ANGPT2: variants seen among roughly 807,000 people sequenced by gnomAD.
ANGPT2 encodes the protein angiopoietin-2.
In ANGPT2, 28 loss-of-function variants were observed where a neutral mutation model predicts 62.9. That is an observed-to-expected ratio of 0.44 (90% CI 0.33 to 0.61). The LOEUF (loss-of-function observed/expected upper bound fraction) is 0.61. Ranked by LOEUF, ANGPT2 falls within the 20% of genes least tolerant of loss-of-function variation. The pLI is 0.03. For synonymous variants in ANGPT2, 284 were observed against 207.8 expected (o/e 1.37, Z -3.15); for missense variants, 727 against 594.9 (o/e 1.22, Z -2.31).
Position 6,499,925 on chromosome 8 carries a change from C to G in ANGPT2, c.*3176G>C, listed in dbSNP as rs759545352. The G allele has an allele frequency of 8.6e-5, 138 of 1,613,210 alleles. 1 individual carries two copies. The Middle Eastern group carries it at 1.7e-3, about 20-fold the overall frequency. ...GAACTGTCTCACCACTTCCCTGCAG[C>G]TCCCGTAAGTCAGATGTTGTTTTAC... On this transcript the variant is annotated 3_prime_UTR_variant, in exon 9 of 9. Coordinates refer to ENST00000629816, the MANE Select transcript of ANGPT2 (RefSeq NM_001118887.2).
At chr8:6,504,935 A>C (rs1812982160) in intron 8 of ANGPT2, among the ~76,000 whole-genome samples, 1 of 152,048 alleles carries the variant, frequency 6.6e-6, no homozygotes, top group Admixed American at 6.6e-5. Context: ...TTGATTTTAC[A>C]TATGTTAAAC....
intron 1 of ANGPT2, among the ~76,000 whole-genome samples, chr8:6,553,402 C>G (rs1475804267): frequency 2.0e-5 from 3 of 152,212 alleles, no homozygotes; most frequent in Non-Finnish European, 4.4e-5. Context: ...CTGATGGTTA[C>G]ATAGTTAAAA....
At chr8:6,515,897 C>T (rs2515426) in intron 5 of ANGPT2, among the ~76,000 whole-genome samples, 9,169 of 152,212 alleles carry the variant, frequency 0.06, 300 homozygotes, top group African/African-American at 0.078. Context: ...CAAGAGAGTG[C>T]TATTCCTGTT....
chr8:6,503,037 T>G lies in ANGPT2; in HGVS notation c.*64A>C. On this transcript the variant is annotated 3_prime_UTR_variant, in exon 9 of 9. Transcript: ENST00000629816. ...AGGACACAGTGCGCAGCCGTGACTT[T>G]CAGTGCACTGGGCTTAAGTCTTTGA... The G allele has an allele frequency of 6.3e-7, 1 of 1,591,518 alleles. No individual in the cohort carries two copies. Among genetic ancestry groups the G allele is most frequent in the South Asian group, 1.1e-5 (1 of 87,622 alleles).
intron 1 of ANGPT2, among the ~76,000 whole-genome samples, chr8:6,560,437 A>C (rs1825346471): frequency 6.6e-6 from 1 of 152,196 alleles, no homozygotes; most frequent in Admixed American, 6.5e-5. Context: ...GAGAAAAACA[A>C]ACAGTGAGGT....
At chr8:6,547,800 G>C (rs926021322) in intron 1 of ANGPT2, among the ~76,000 whole-genome samples, 1 of 152,114 alleles carries the variant, frequency 6.6e-6, no homozygotes, top group Non-Finnish European at 1.5e-5. Flanking sequence ...TGCGGGGCCA[G>C]GGGAGCACCG....
chr8:6,507,929 A>T (rs1371991496), intron 8 of ANGPT2: 1 of 152,134 alleles, frequency 6.6e-6, no homozygotes, highest in Non-Finnish European at 1.5e-5. Flanking sequence ...TTGAACTCTC[A>T]AATGTTTCTG....
intron 1 of ANGPT2, among the ~76,000 whole-genome samples, chr8:6,559,854 G>T (rs2959768): frequency 0.089 from 13,483 of 152,230 alleles, 1,540 homozygotes; most frequent in African/African-American, 0.27. Context: ...GTGTGCTAGC[G>T]ATCATGAGTT....
intron 8 of ANGPT2, chr8:6,508,461 G>A (rs1453836892): frequency 2.8e-5 from 5 of 178,682 alleles, no homozygotes; most frequent in Non-Finnish European, 4.6e-5. Context: ...ATAAACAACT[G>A]GAGACTGTGT....
chr8:6,556,733 C>T (rs1824677779), intron 1 of ANGPT2, among the ~76,000 whole-genome samples: 1 of 152,130 alleles, frequency 6.6e-6, no homozygotes, highest in South Asian at 2.1e-4. Flanking sequence ...CCCACCTCAG[C>T]CTCCCAAGTA....
At chr8:6,535,168 A>T (rs1042254607) in intron 1 of ANGPT2, among the ~76,000 whole-genome samples, 7 of 152,216 alleles carry the variant, frequency 4.6e-5, no homozygotes, top group African/African-American at 1.7e-4. Flanking sequence ...AATAAAAATT[A>T]TTGTATTTTG....
intron 8 of ANGPT2, 68 bp from the exon 9 acceptor site, chr8:6,503,329 T>C: frequency 6.4e-7 from 1 of 1,564,584 alleles, no homozygotes; most frequent in Non-Finnish European, 8.8e-7. Flanking sequence ...AAGACAGCAA[T>C]ACTCAGCTAA....
chr8:6,534,374 CG>C (rs1157589160), intron 1 of ANGPT2, among the ~76,000 whole-genome samples: 17 of 152,140 alleles, frequency 1.1e-4, no homozygotes, highest in Non-Finnish European at 2.2e-4. Flanking sequence ...CCCTGTTTTA[CG>C]GAAGAGGCTT....
chr8:6,502,099 A>G lies in ANGPT2; in HGVS notation c.*1002T>C, dbSNP rs951295107. 6.6e-6 allele frequency: 1 copy of G among 152,176 alleles called. No individual in the cohort carries two copies. Among genetic ancestry groups the G allele is most frequent in the Non-Finnish European group, 1.5e-5 (1 of 68,034 alleles). 9.4% of individuals were successfully genotyped at this position (152,176 alleles called of 1,614,324 possible). On this transcript the variant is annotated 3_prime_UTR_variant, in exon 9 of 9. Transcript: ENST00000629816. ...AATTGTAGTCTAGTTCTATAAAAAT[A>G]TATCTTACTAGGAAAGAAAACAGAC...
chr8:6,562,514 C>T (rs1246849987), intron 1 of ANGPT2, 133 bp downstream of exon 1: 1 of 775,750 alleles, frequency 1.3e-6, no homozygotes, highest in Non-Finnish European at 1.8e-6. Flanking sequence ...AGGGTACCAG[C>T]AACCCGCTCT....
At chr8:6,536,891 G>C (rs553636726) in intron 1 of ANGPT2, among the ~76,000 whole-genome samples, 1 of 150,790 alleles carries the variant, frequency 6.6e-6, no homozygotes, top group Admixed American at 6.6e-5. Flanking sequence ...ATTTTTACTG[G>C]CTGTGACTGA....
At chr8:6,541,290 C>G (rs1821513577) in intron 1 of ANGPT2, among the ~76,000 whole-genome samples, 1 of 152,160 alleles carries the variant, frequency 6.6e-6, no homozygotes, top group Non-Finnish European at 1.5e-5. Context: ...AGTCAGTGCC[C>G]ACCCCAAGTC....
intron 3 of ANGPT2, among the ~76,000 whole-genome samples, 189 bp downstream of exon 3, chr8:6,527,366 G>A (rs994025469): frequency 1.3e-5 from 2 of 152,252 alleles, no homozygotes; most frequent in Non-Finnish European, 2.9e-5. Flanking sequence ...ATCCAGGACT[G>A]TGTTAGGAGA....
chr8:6,503,204 C>G lies in ANGPT2; in HGVS notation c.1385G>C (p.Arg462Thr). Residue 462 changes from arginine (R) to threonine (T), a missense_variant, in exon 9 of 9, where the codon AGG becomes ACG. Coordinates refer to ENST00000629816, the MANE Select transcript of ANGPT2 (RefSeq NM_001118887.2). ...SNLNGMYYPQ[R>T]QNTNKFNGIK... is the part of the protein sequence containing the mutation. ...GCCGTTGAACTTATTTGTGTTCTGC[C>G]TCTGTGGATAGTACATTCCGTTCAA... The G allele has an allele frequency of 6.2e-7, 1 of 1,614,150 alleles. No homozygotes were observed. The highest frequency in any genetic ancestry group is 8.5e-7 in the Non-Finnish European group (1 of 1,180,038).
Sources: allele counts gnomAD v4.1 joint callset (sites outside exome capture counted in the v4.1 genomes callset), GRCh38; gene constraint gnomAD v4.1.1; transcripts MANE v1.5; gene names NCBI Gene and HGNC (gene_info 2026-07-23, HGNC 2026-07-21).